TRIO: variants seen among roughly 807,000 people sequenced by gnomAD.
TRIO encodes triple functional domain protein.
Under a neutral mutation model 351.9 loss-of-function variants are expected in TRIO, and 58 were observed. The ratio of observed to expected loss-of-function variants is 0.16; its 90% CI spans 0.13 to 0.21. TRIO has a LOEUF of 0.21. TRIO is among the 10% of genes least tolerant of loss of function. The pLI is 1.00. For synonymous variants in TRIO, 1,758 were observed against 1,595.7 expected (o/e 1.10, Z -2.42); for missense variants, 3,201 against 4,027.8 (o/e 0.79, Z 5.56).
Position 14,437,755 on chromosome 5 carries a change from G to T in TRIO, c.5203+17734G>T, listed in dbSNP as rs543077903. Among the ~76,000 whole-genome samples the T allele has an allele frequency of 2.7e-5, 4 of 147,206 alleles. 1 individual carries two copies. Among genetic ancestry groups the T allele is most frequent in the South Asian group, 4.2e-4 (2 of 4,738 alleles). On this transcript the variant is annotated intron_variant, in intron 34 of 56. Transcript: ENST00000344204. Reference sequence around the variant, plus strand: ...TAAATTTCCGCCTCAAAGCACAGTCGCATTCCAAGGTCCAGGGCTTGGGAC... The same window carrying T: ...TAAATTTCCGCCTCAAAGCACAGTCTCATTCCAAGGTCCAGGGCTTGGGAC...
At chr5:14,164,259 G>A (rs1364017633) in intron 1 of TRIO, among the ~76,000 whole-genome samples, 1 of 152,212 alleles carries the variant, frequency 6.6e-6, no homozygotes, top group East Asian at 1.9e-4. Flanking sequence ...AGTCTTATCA[G>A]AAGGGCTTAG....
Position 14,465,351 on chromosome 5 carries a change from A to T in TRIO, c.5668-194A>T, listed in dbSNP as rs551079733. Among the ~76,000 whole-genome samples the T allele has an allele frequency of 2.0e-5, 3 of 152,206 alleles. No individual in the cohort carries two copies. In the South Asian group the frequency reaches 6.2e-4, roughly 31 times the overall value. On this transcript the variant is annotated intron_variant, in intron 36 of 56. Coordinates refer to ENST00000344204, the MANE Select transcript of TRIO (RefSeq NM_007118.4). ...CCCACATGTATCTCAGACAGGTTTTATTTAATGTTTCTTGTCAGAATATTG... is the reference window on the plus strand; with the variant it reads ...CCCACATGTATCTCAGACAGGTTTTTTTTAATGTTTCTTGTCAGAATATTG...
intron 11 of TRIO, among the ~76,000 whole-genome samples, chr5:14,352,320 T>A (rs1214877777): frequency 1.3e-5 from 2 of 152,326 alleles, no homozygotes; most frequent in African/African-American, 4.8e-5. Context: ...TGCTTCTGTT[T>A]CTCAGTAGAA....
chr5:14,487,775 C>A lies in TRIO; in HGVS notation c.7147C>A (p.Pro2383Thr), dbSNP rs777352114. 1 of 1,373,044 alleles carries A rather than the reference C, an allele frequency of 7.3e-7. No individual in the cohort carries two copies. The highest frequency in any genetic ancestry group is 1.7e-5 in the South Asian group (1 of 59,472). The allele number at this position is 1,373,044 out of a possible 1,614,324, so 85.1% of individuals were successfully genotyped here. The change falls in exon 48 of 57, where the codon CCC (proline) becomes ACC (threonine). Residue 2383 changes from proline to threonine, a missense_variant. Around this residue, in one of 19 missense-constraint regions of TRIO, gnomAD observed 1,089 missense variants for 954.9 expected, o/e 1.14. Coordinates refer to ENST00000344204, the MANE Select transcript of TRIO (RefSeq NM_007118.4). The part of the protein sequence containing the change: ...GPSLPPPGAA[P>T]EAGPSAPSRR... ...CTCCCTGCCTCCCCCTGGCGCGGCC[C>A]CCGAGGCCGGCCCCAGCGCGCCCAG... is the stretch of plus-strand genomic sequence containing the variant.
At position 14,508,189 on chromosome 5, in the gene TRIO, C is replaced by T. The variant is rs752230107; in HGVS notation, c.9061C>T (p.Gln3021Ter). The stretch of plus-strand genomic sequence containing the variant: ...AGATGACTACTTTAAAGGAGTGAGC[C>T]AGAAGGCCAAGGAGTTCGTGTGCTT... Reference protein sequence around the residue: ...FPDDYFKGVSQKAKEFVCFLL... With the variant: ...FPDDYFKGVS The change falls in exon 57 of 57, where the codon CAG becomes TAG. Residue 3021 changes from glutamine (Q) to a stop codon, truncating the protein, a stop_gained. Coordinates refer to ENST00000344204, the MANE Select transcript of TRIO (RefSeq NM_007118.4). LOFTEE classifies it high-confidence loss of function. 1 of 1,614,140 alleles carries T rather than the reference C, an allele frequency of 6.2e-7. No individual in the cohort carries two copies. The highest frequency in any genetic ancestry group is 1.7e-5 in the Admixed American group (1 of 60,028).
chr5:14,304,499 T>G lies in TRIO; in HGVS notation c.1407T>G (p.Gly469=). 1 of 1,613,906 alleles carries G rather than the reference T, an allele frequency of 6.2e-7. No individual in the cohort carries two copies. The highest frequency in any genetic ancestry group is 8.5e-7 in the Non-Finnish European group (1 of 1,179,978). Residue 469 remains glycine, a synonymous_variant, in exon 8 of 57, where the codon GGT becomes GGG. Transcript: ENST00000344204. ...TGGATTCATGGTGTAAAGCTTGCGG[T>G]GAGGTAGACCTTCCCTCAGAGCTGC... is the stretch of plus-strand genomic sequence containing the variant. The part of the protein sequence containing the change: ...SNVDSWCKAC[G]EVDLPSELQD...
chr5:14,350,422 C>T (rs62344982), intron 11 of TRIO, among the ~76,000 whole-genome samples: 1 of 152,160 alleles, frequency 6.6e-6, no homozygotes, highest in Non-Finnish European at 1.5e-5. Flanking sequence ...AAAAAAACCC[C>T]AAAGTCAAAT....
intron 34 of TRIO, among the ~76,000 whole-genome samples, chr5:14,430,704 ATTTTATTTTAT>A: frequency 6.7e-6 from 1 of 150,014 alleles, no homozygotes; most frequent in African/African-American, 2.5e-5. Flanking sequence ...ATTTTATTTT[ATTTTATTTTAT>A]TTTATTTATT....
intron 1 of TRIO, among the ~76,000 whole-genome samples, chr5:14,183,098 C>T (rs527335168): frequency 3.3e-5 from 5 of 152,182 alleles, no homozygotes; most frequent in South Asian, 4.2e-4. Context: ...GTGGGGTCTT[C>T]GTTAGGGTTC....
chr5:14,165,415 C>T (rs979222831), intron 1 of TRIO, among the ~76,000 whole-genome samples: 3 of 152,148 alleles, frequency 2.0e-5, no homozygotes, highest in Admixed American at 6.5e-5. Flanking sequence ...CAGTTCCATC[C>T]GTGTTCCTGC....
At chr5:14,213,916 A>C (rs959608178) in intron 1 of TRIO, among the ~76,000 whole-genome samples, 1 of 152,230 alleles carries the variant, frequency 6.6e-6, no homozygotes, top group Non-Finnish European at 1.5e-5. Context: ...TTCAAGTGGC[A>C]CTCAGCAATG....
chr5:14,491,780 G>A (rs754722564), intron 48 of TRIO, among the ~76,000 whole-genome samples: 4 of 152,246 alleles, frequency 2.6e-5, no homozygotes, highest in Non-Finnish European at 5.9e-5. Context: ...AAGGGTGGGG[G>A]TACGCATCCC....
intron 1 of TRIO, among the ~76,000 whole-genome samples, chr5:14,240,129 A>G (rs1281245381): frequency 6.6e-6 from 1 of 152,228 alleles, no homozygotes; most frequent in African/African-American, 2.4e-5. Context: ...AAGTTTTCAA[A>G]TAGTAATAAA....
At chr5:14,225,469 G>C (rs1437897740) in intron 1 of TRIO, among the ~76,000 whole-genome samples, 1 of 152,102 alleles carries the variant, frequency 6.6e-6, no homozygotes, top group Non-Finnish European at 1.5e-5. Flanking sequence ...GAAGCTTGGG[G>C]TCCTGTTCAG....
Position 14,508,393 on chromosome 5 carries a change from C to G in TRIO, c.9265C>G (p.Leu3089Val). ...ACCTATCCGTAGCATTAAAAACTTT[C>G]TGCAGAGCAGGCTTCTGCCTAGAGT... is the stretch of plus-strand genomic sequence containing the variant. The part of the protein sequence containing the change: ...VRPIRSIKNF[L>V]QSRLLPRV Residue 3089 changes from leucine to valine, a missense_variant, in exon 57 of 57, where the codon CTG becomes GTG. Physicochemically the swap from Leu to Val is conservative, Grantham distance 32 (BLOSUM62 1). Coordinates refer to ENST00000344204, the MANE Select transcript of TRIO (RefSeq NM_007118.4). 1 of 1,612,138 alleles carries G rather than the reference C, an allele frequency of 6.2e-7. No homozygotes were observed. Among genetic ancestry groups the G allele is most frequent in the Middle Eastern group, 1.7e-4 (1 of 6,056 alleles).
intron 1 of TRIO, among the ~76,000 whole-genome samples, chr5:14,262,966 C>G (rs994960697): frequency 6.6e-6 from 1 of 152,126 alleles, no homozygotes; most frequent in African/African-American, 2.4e-5. Flanking sequence ...CCCACCCCTG[C>G]TTTCTTCTCT....
rs527780218 is a variant in TRIO at position 14,410,026 on chromosome 5, A to G, written c.4959+3354A>G. Among the ~76,000 whole-genome samples the G allele has an allele frequency of 6.6e-5, 10 of 152,144 alleles. No individual in the cohort carries two copies. The South Asian group carries it at 2.1e-3, about 32-fold the overall frequency. On this transcript the variant is annotated intron_variant, in intron 33 of 56. Transcript: ENST00000344204. ...ACTCCAGACTCAGTTTCTTAAACAG[A>G]CCTGGCGAATTTTCTTAATGCCACT...
At chr5:14,275,995 C>T (rs1476158253) in intron 2 of TRIO, among the ~76,000 whole-genome samples, 1 of 147,666 alleles carries the variant, frequency 6.8e-6, no homozygotes, top group Non-Finnish European at 1.5e-5. Flanking sequence ...TATACACACA[C>T]ACATATGTGT....
In TRIO at chr5:14,497,984, G is replaced by A; in HGVS notation, c.8048-105G>A. The A allele has an allele frequency of 6.2e-7, 1 of 1,610,190 alleles. No homozygotes were observed. Among genetic ancestry groups the A allele is most frequent in the Non-Finnish European group, 8.5e-7 (1 of 1,176,720 alleles). On this transcript the variant is annotated intron_variant, in intron 51 of 56. Transcript: ENST00000344204. This position sits in a 1 kb window ranked among gnomAD's most constrained non-coding sequence, Gnocchi z 4.4. Reference sequence around the variant, plus strand: ...GAAATGAGTTTTCCGTGGCGCTCTAGGCGTGCATAGCAGGTTAGGTCCTAT... The same window carrying A: ...GAAATGAGTTTTCCGTGGCGCTCTAAGCGTGCATAGCAGGTTAGGTCCTAT...
Sources: gnomAD v4.1 joint callset for allele counts (sites outside exome capture counted in the v4.1 genomes callset) on GRCh38, gnomAD v4.1.1 for gene constraint, gnomAD v4.1.1 regional missense constraint, Gnocchi (gnomAD v3.1) non-coding constraint, MANE v1.5 for transcripts, NCBI Gene and HGNC (gene_info 2026-07-23, HGNC 2026-07-21) for gene names.